CEP72: variants seen among roughly 807,000 people sequenced by gnomAD.
CEP72 encodes the protein centrosomal protein 72.
A neutral mutation model predicts 65.7 loss-of-function variants in CEP72; 78 were observed. The observed-to-expected ratio is 1.19, with a 90% CI of 0.99 to 1.43. The LOEUF is 1.43. Among genes scored for constraint, CEP72 ranks in the 40% most tolerant of loss-of-function variants. The probability of loss-of-function intolerance (pLI) is 0.00; values close to 1 mark genes in which losing one functional copy is unlikely to be tolerated. For synonymous variants in CEP72, 358 were observed against 351.7 expected (o/e 1.02, Z -0.20); for missense variants, 914 against 832.9 (o/e 1.10, Z -1.20).
downstream of CEP72, among the ~76,000 whole-genome samples, chr5:669,290 C>T (rs1027795013): frequency 6.8e-4 from 104 of 152,234 alleles, no homozygotes; most frequent in Non-Finnish European, 9.1e-4. Flanking sequence ...CCCGGTGAGC[C>T]GGAGGTGCCC....
chr5:618,016 G>T (rs1736107247), intron 1 of CEP72, among the ~76,000 whole-genome samples: 1 of 152,212 alleles, frequency 6.6e-6, no homozygotes, highest in South Asian at 2.1e-4. Flanking sequence ...GGTGCGTGGA[G>T]CTTGCACAGC....
downstream of CEP72, among the ~76,000 whole-genome samples, chr5:658,814 G>A (rs929441030): frequency 5.3e-5 from 8 of 151,422 alleles, no homozygotes; most frequent in South Asian, 6.2e-4. Flanking sequence ...GACTACAGGC[G>A]CCCGCCACCA....
chr5:641,239 G>C (rs929137102), intron 9 of CEP72: 3 of 985,250 alleles, frequency 3.0e-6, no homozygotes, highest in Non-Finnish European at 3.6e-6. Flanking sequence ...CTCCCTCCAC[G>C]CTGCAAGGGC....
At chr5:633,337 T>G (rs1220960514) in intron 4 of CEP72, among the ~76,000 whole-genome samples, 1 of 125,024 alleles carries the variant, frequency 8.0e-6, no homozygotes, top group Non-Finnish European at 1.8e-5. Context: ...CTGGTGGGGT[T>G]CTGTCCAGTG....
At chr5:668,418 G>A (rs559573436), downstream of CEP72, among the ~76,000 whole-genome samples, 1 of 125,678 alleles carries the variant, frequency 8.0e-6, no homozygotes, top group South Asian at 2.5e-4. Flanking sequence ...ACACAGAGAG[G>A]GGGCCGCGTG....
rs1738272684 is a variant in CEP72, at chr5:644,341, A to C, written c.1582A>C (p.Ser528Arg). The C allele has an allele frequency of 1.2e-6, 2 of 1,613,806 alleles. No homozygotes were observed. The highest frequency in any genetic ancestry group is 2.2e-5 in the South Asian group (2 of 91,088). ...TTTAGATAAATCTTTGGAAGAGAAC[A>C]GTAGGTTAAAATCGCTTTTGTTGAG... ...QHLDKSLEEN[S>R]RLKSLLLSMK... The change falls in exon 10 of 12, where the codon AGT (serine) becomes CGT (arginine). Residue 528 changes from serine to arginine, a missense_variant. Physicochemically the swap from Ser to Arg is moderately radical, Grantham distance 110 (BLOSUM62 -1). Coordinates refer to ENST00000264935, the MANE Select transcript of CEP72 (RefSeq NM_018140.4).
intron 3 of CEP72, among the ~76,000 whole-genome samples, chr5:665,608 G>GC (rs1226721829): frequency 1.1e-4 from 15 of 142,740 alleles, no homozygotes; most frequent in African/African-American, 2.6e-4. Context: ...TCCAGGCTAT[G>GC]CCCCCCCAAT....
At chr5:612,714 C>A in intron 1 of CEP72, 1 of 841,080 alleles carries the variant, frequency 1.2e-6, no homozygotes, top group Non-Finnish European at 1.4e-6. Context: ...GGGTTACATC[C>A]GCTGAGAAGA....
Position 624,427 on chromosome 5 carries a change from C to A in CEP72, c.404-44C>A. On this transcript the variant is annotated intron_variant, in intron 3 of 11. Coordinates refer to ENST00000264935, the MANE Select transcript of CEP72 (RefSeq NM_018140.4). The surrounding 1 kb of genome is among the most constrained non-coding windows in gnomAD (Gnocchi z 4.7). The stretch of plus-strand genomic sequence containing the variant: ...ATGCCCCAGGGTGGATGCAGCCGCC[C>A]GCCGCTTGCCACCTGCACAGTCTTG... The A allele has an allele frequency of 6.8e-7, 1 of 1,479,332 alleles. No individual in the cohort carries two copies. The highest frequency in any genetic ancestry group is 1.1e-5 in the South Asian group (1 of 88,160). 91.6% of individuals were successfully genotyped at this position (1,479,332 alleles called of 1,614,324 possible). A position where few individuals can be genotyped will look rare whatever the true frequency, so the allele number is the denominator to read the frequency against.
chr5:621,463 C>T (rs1251198779), intron 3 of CEP72, among the ~76,000 whole-genome samples: 1 of 152,250 alleles, frequency 6.6e-6, no homozygotes, highest in Non-Finnish European at 1.5e-5. Context: ...GGTGATGTGC[C>T]TGGCCCCTGG....
intron 3 of CEP72, among the ~76,000 whole-genome samples, chr5:621,819 G>C (rs1181156388): frequency 6.6e-6 from 1 of 152,234 alleles, no homozygotes; most frequent in East Asian, 1.9e-4. Context: ...CATCGCCCAG[G>C]CTGGAGTGCA....
rs557063443 is a variant in CEP72, at chr5:641,934, G to A, written c.1539+1330G>A. The stretch of plus-strand genomic sequence containing the variant: ...TGCATTTAAACACACGTGGTCCCCC[G>A]TCCAGAAGCCTCTGCATTTGAACAC... On this transcript the variant is annotated intron_variant, in intron 9 of 11. Coordinates refer to ENST00000264935, the MANE Select transcript of CEP72 (RefSeq NM_018140.4). 72 of 904,214 alleles carry A rather than the reference G, an allele frequency of 8.0e-5. 3 individuals are homozygous for A. The Admixed American group carries it at 1.9e-3, about 24-fold the overall frequency. 56.0% of individuals were successfully genotyped at this position (904,214 alleles called of 1,614,324 possible).
At chr5:656,883 A>G (rs903340278), downstream of CEP72, 4 of 152,220 alleles carry the variant, frequency 2.6e-5, no homozygotes, top group Non-Finnish European at 5.9e-5. Context: ...AATTCTCACC[A>G]TTTATCCACT....
In CEP72 at chr5:653,132, T is replaced by C. The variant is rs779269329; in HGVS notation, c.1923T>C (p.His641=). 9 of 1,609,890 alleles carry C rather than the reference T, an allele frequency of 5.6e-6. No homozygotes were observed. In the African/African-American group the frequency reaches 1.1e-4, roughly 19 times the overall value. ...MALFPHSSAS[H]GGCQAC is the part of the protein sequence containing the mutation. ...TGTTTCCACACAGCAGCGCCAGCCA[T>C]GGAGGCTGCCAGGCCTGCTGACTCC... The change falls in exon 12 of 12, where the codon CAT becomes CAC. Residue 641 remains histidine, a synonymous_variant. Transcript: ENST00000264935.
chr5:673,572 G>T, the CEP72 span, among the ~76,000 whole-genome samples: 1 of 152,144 alleles, frequency 6.6e-6, no homozygotes, highest in Admixed American at 6.5e-5. Context: ...CACTCACGGT[G>T]CCCAGCCTGC....
intron 1 of CEP72, among the ~76,000 whole-genome samples, chr5:617,771 G>A (rs2458811): frequency 0.63 from 95,784 of 152,114 alleles, 30,350 homozygotes; most frequent in Non-Finnish European, 0.66. Flanking sequence ...AGACTGAGGC[G>A]GGAGAATCAC....
the CEP72 span, among the ~76,000 whole-genome samples, chr5:674,872 G>T: frequency 6.6e-6 from 1 of 151,752 alleles, no homozygotes; most frequent in Non-Finnish European, 1.5e-5. Flanking sequence ...TGTGGGAGCT[G>T]CCCCTTGCCA....
At position 637,802 on chromosome 5, in the gene CEP72, T is replaced by C; in HGVS notation, c.1190T>C (p.Val397Ala). 6.3e-7 allele frequency: 1 copy of C among 1,575,700 alleles called. No homozygotes were observed. Among genetic ancestry groups the C allele is most frequent in the Non-Finnish European group, 8.6e-7 (1 of 1,158,866 alleles). ...ACTGAGGAGCAGAGGTCTCGGGGTG[T>C]GACCGACACCAGAGAGGTGAGAGAA... ...SETEEQRSRGVTDTREPSPGS... is the reference protein window; with the variant it reads ...SETEEQRSRGATDTREPSPGS... Residue 397 changes from valine to alanine, a missense_variant, in exon 7 of 12, where the codon GTG becomes GCG. Val to Ala is a moderately conservative substitution (Grantham distance 64, BLOSUM62 0). Coordinates refer to ENST00000264935, the MANE Select transcript of CEP72 (RefSeq NM_018140.4).
Position 651,242 on chromosome 5 carries a change from C to T in CEP72, c.1779-1746C>T, listed in dbSNP as rs1276574040. On this transcript the variant is annotated intron_variant, in intron 11 of 11. Transcript: ENST00000264935. ...CGTGGACTGTGAGGTGTGACTGAGGCGTGGACTGTGAGGTGTGACTGTGAG... is the reference window on the plus strand; with the variant it reads ...CGTGGACTGTGAGGTGTGACTGAGGTGTGGACTGTGAGGTGTGACTGTGAG... Among the ~76,000 whole-genome samples, 142 of 55,786 alleles carry T rather than the reference C, an allele frequency of 2.5e-3. 7 individuals are homozygous for T. Among genetic ancestry groups the T allele is most frequent in the Middle Eastern group, 0.03 (2 of 66 alleles). The allele number at this position is 55,786 out of a possible 152,430, so 36.6% of individuals were successfully genotyped here. A position where few individuals can be genotyped will look rare whatever the true frequency, so the allele number is the denominator to read the frequency against.
Sources: allele counts gnomAD v4.1 joint callset (sites outside exome capture counted in the v4.1 genomes callset), GRCh38; gene constraint gnomAD v4.1.1; non-coding constraint Gnocchi (gnomAD v3.1); transcripts MANE v1.5; gene names NCBI Gene and HGNC (gene_info 2026-07-23, HGNC 2026-07-21).